The following SIRT5 variants were observed in gnomAD, a reference collection of about 807,000 sequenced individuals.
SIRT5 encodes sirtuin 5.
In SIRT5, 26 loss-of-function variants were observed where a neutral mutation model predicts 40.0. That is an observed-to-expected ratio of 0.65 (90% CI 0.48 to 0.90). SIRT5 has a LOEUF of 0.90. Among genes scored for constraint, SIRT5 ranks in the 40% least tolerant of loss-of-function variants. The pLI is 0.00. For missense variants in SIRT5, 401 were observed against 402.4 expected (o/e 1.00, Z 0.03); for synonymous variants, 146 against 149.1 (o/e 0.98, Z 0.15).
chr6:13,576,671 C>G (rs140021158), intron 1 of SIRT5, among the ~76,000 whole-genome samples: 1,749 of 152,090 alleles, frequency 0.011, 32 homozygotes, highest in African/African-American at 0.039. Flanking sequence ...TGATGCAATC[C>G]CATGTGTCTA....
chr6:13,614,180 C>T lies in SIRT5; in HGVS notation c.*2315C>T, dbSNP rs1764163727. On this transcript the variant is annotated 3_prime_UTR_variant, in exon 10 of 10. Coordinates refer to ENST00000606117, the MANE Select transcript of SIRT5 (RefSeq NM_012241.5). ...TTAGAAATAAAATGACTAGCAAGAC[C>T]TGGCCCTTCCCCTCAGGGGTTCACA... is the stretch of plus-strand genomic sequence containing the variant. The T allele has an allele frequency of 2.0e-5, 3 of 152,188 alleles. No homozygotes were observed. The highest frequency in any genetic ancestry group is 2.0e-4 in the Admixed American group (3 of 15,276). The allele number at this position is 152,188 out of a possible 1,614,324, so 9.4% of individuals were successfully genotyped here. A position where few individuals can be genotyped will look rare whatever the true frequency, so the allele number is the denominator to read the frequency against.
chr6:13,598,921 C>T, intron 7 of SIRT5, 111 bp from the exon 8 acceptor site: 2 of 1,253,458 alleles, frequency 1.6e-6, no homozygotes, highest in Non-Finnish European at 2.3e-6. Context: ...GAATAAGAGG[C>T]ATCAGAGGTG....
chr6:13,608,480 G>T (rs1763405895), intron 9 of SIRT5, among the ~76,000 whole-genome samples: 1 of 151,996 alleles, frequency 6.6e-6, no homozygotes. Flanking sequence ...CGGCTACTTG[G>T]GAGGCTGAGG....
At chr6:13,585,871 T>TACCAACA (rs1317950170) in intron 3 of SIRT5, among the ~76,000 whole-genome samples, 211 of 152,256 alleles carry the variant, frequency 1.4e-3, no homozygotes, top group Admixed American at 3.5e-3. Flanking sequence ...AGTGTAAAAG[T>TACCAACA]GTTCCTATTT....
intron 2 of SIRT5, among the ~76,000 whole-genome samples, chr6:13,580,722 C>G (rs1759235105): frequency 6.6e-6 from 1 of 152,154 alleles, no homozygotes; most frequent in African/African-American, 2.4e-5. Context: ...GGCAGGGAGT[C>G]CAGTGGCACA....
chr6:13,606,568 G>A (rs956557367), intron 9 of SIRT5, among the ~76,000 whole-genome samples: 1 of 152,082 alleles, frequency 6.6e-6, no homozygotes, highest in Non-Finnish European at 1.5e-5. Context: ...GGGCTTAGTT[G>A]GTCTGTTCAT....
chr6:13,590,567 A>G (rs1394828121), intron 4 of SIRT5, among the ~76,000 whole-genome samples: 1 of 149,502 alleles, frequency 6.7e-6, no homozygotes, highest in African/African-American at 2.5e-5. Flanking sequence ...GTGTATGTTT[A>G]GTTGTGTGTG....
chr6:13,584,305 T>C, intron 3 of SIRT5, 80 bp downstream of exon 3: 1 of 1,064,394 alleles, frequency 9.4e-7, no homozygotes, highest in Admixed American at 1.8e-5. Flanking sequence ...GGAATGTCTC[T>C]GTCAAATTAG....
intron 1 of SIRT5, among the ~76,000 whole-genome samples, chr6:13,578,682 C>T (rs1026295082): frequency 3.4e-5 from 5 of 146,948 alleles, no homozygotes; most frequent in Non-Finnish European, 7.5e-5. Context: ...TGGTAGAATT[C>T]AGGTCATCAG....
intron 1 of SIRT5, among the ~76,000 whole-genome samples, chr6:13,575,900 T>C (rs1355070176): frequency 2.0e-5 from 3 of 152,220 alleles, no homozygotes; most frequent in Non-Finnish European, 1.5e-5. Context: ...AGTAAGATCA[T>C]GTGCTGTTTG....
intron 7 of SIRT5, 55 bp from the exon 8 acceptor site, chr6:13,598,977 C>T (rs952607234): frequency 6.1e-5 from 97 of 1,596,564 alleles, no homozygotes; most frequent in Admixed American, 1.0e-4. Context: ...GGCCTCCCTC[C>T]GATCCAGCTG....
At chr6:13,598,069 G>A (rs533568016) in intron 7 of SIRT5, among the ~76,000 whole-genome samples, 32 of 152,294 alleles carry the variant, frequency 2.1e-4, no homozygotes, top group Non-Finnish European at 3.1e-4. Flanking sequence ...GTTGTAATAC[G>A]TATGTTAATG....
At chr6:13,581,409 G>A (rs981366938) in intron 2 of SIRT5, among the ~76,000 whole-genome samples, 1 of 152,232 alleles carries the variant, frequency 6.6e-6, no homozygotes, top group Non-Finnish European at 1.5e-5. Flanking sequence ...TTGCAGTCAT[G>A]AATGCCACAC....
intron 9 of SIRT5, among the ~76,000 whole-genome samples, chr6:13,602,906 A>G (rs1421725977): frequency 2.0e-5 from 3 of 152,230 alleles, no homozygotes; most frequent in Non-Finnish European, 4.4e-5. Context: ...AGCAAGTAAC[A>G]TAAGAAAAAT....
chr6:13,591,019 G>A (rs1317216607), intron 4 of SIRT5, among the ~76,000 whole-genome samples: 1 of 151,626 alleles, frequency 6.6e-6, no homozygotes, highest in African/African-American at 2.4e-5. Context: ...GTGTGTAGTT[G>A]TGTGTGTATC....
intron 4 of SIRT5, 121 bp downstream of exon 4, chr6:13,588,585 C>G (rs1015804066): frequency 8.2e-7 from 1 of 1,216,998 alleles, no homozygotes; most frequent in Non-Finnish European, 1.1e-6. Context: ...AACTGTGACC[C>G]TATTGTCTCA....
intron 5 of SIRT5, among the ~76,000 whole-genome samples, chr6:13,592,390 A>G (rs537646053): frequency 7.9e-5 from 12 of 152,354 alleles, no homozygotes; most frequent in African/African-American, 2.4e-4. Flanking sequence ...CCCATTGGAC[A>G]GCTGGGGCTT....
intron 4 of SIRT5, 45 bp downstream of exon 4, chr6:13,588,509 C>A (rs1465975798): frequency 1.3e-6 from 2 of 1,589,842 alleles, no homozygotes; most frequent in Non-Finnish European, 1.7e-6. Flanking sequence ...TCGAATGAAA[C>A]CATAACAGAG....
Position 13,592,395 on chromosome 6 carries a change from G to A in SIRT5, c.475+501G>A, listed in dbSNP as rs376540897. Reference sequence around the variant, plus strand: ...AGAGGCCTGGCCCATTGGACAGCTGGGGCTTGAGCAGGAGCAGACTGCAGC... The same window carrying A: ...AGAGGCCTGGCCCATTGGACAGCTGAGGCTTGAGCAGGAGCAGACTGCAGC... On this transcript the variant is annotated intron_variant, in intron 5 of 9. Transcript: ENST00000606117. Among the ~76,000 whole-genome samples the A allele has an allele frequency of 2.0e-5, 3 of 152,324 alleles. No individual in the cohort carries two copies. The East Asian group carries it at 5.8e-4, about 29-fold the overall frequency.
Sources: allele counts gnomAD v4.1 joint callset (sites outside exome capture counted in the v4.1 genomes callset), GRCh38; gene constraint gnomAD v4.1.1; transcripts MANE v1.5; gene names NCBI Gene and HGNC (gene_info 2026-07-23, HGNC 2026-07-21).